The following CALD1 variants were observed in gnomAD, a reference collection of about 807,000 sequenced individuals.
CALD1 encodes the protein caldesmon 1.
A neutral mutation model predicts 99.9 loss-of-function variants in CALD1; 33 were observed. That is an observed-to-expected ratio of 0.33 (90% CI 0.25 to 0.44). The LOEUF (loss-of-function observed/expected upper bound fraction) is 0.44, where lower values mean the gene tolerates loss of function less well. CALD1 is among the 20% of genes least tolerant of loss of function. CALD1 has a pLI of 1.00. For synonymous variants in CALD1, 310 were observed against 325.0 expected (o/e 0.95, Z 0.50); for missense variants, 861 against 962.1 (o/e 0.89, Z 1.39).
At chr7:134,915,095 G>A (rs748155061) in intron 3 of CALD1, among the ~76,000 whole-genome samples, 8 of 152,162 alleles carry the variant, frequency 5.3e-5, no homozygotes, top group East Asian at 1.9e-4. Flanking sequence ...TCCCACAACC[G>A]CAAGTTCAGA....
At chr7:134,899,414 G>A (rs1334838031) in intron 3 of CALD1, among the ~76,000 whole-genome samples, 4 of 152,046 alleles carry the variant, frequency 2.6e-5, no homozygotes, top group South Asian at 2.1e-4. Context: ...TGTTGGCCAC[G>A]CTGGTGTTGA....
intron 3 of CALD1, among the ~76,000 whole-genome samples, chr7:134,912,669 A>T (rs544964205): frequency 7.9e-5 from 12 of 152,344 alleles, no homozygotes; most frequent in Admixed American, 5.2e-4. Context: ...TAACCTATCA[A>T]GACTATCATA....
intron 1 of CALD1, among the ~76,000 whole-genome samples, chr7:134,796,913 G>T (rs1247141605): frequency 1.3e-5 from 2 of 152,126 alleles, no homozygotes; most frequent in African/African-American, 4.8e-5. Context: ...GCAATATTGA[G>T]AATCATCTTG....
At chr7:134,953,189 A>G (rs1807490506) in intron 9 of CALD1, among the ~76,000 whole-genome samples, 1 of 152,142 alleles carries the variant, frequency 6.6e-6, no homozygotes, top group East Asian at 1.9e-4. Flanking sequence ...TGTGAAAACC[A>G]TTCTCAAGGC....
chr7:134,716,608 A>T, the CALD1 span, among the ~76,000 whole-genome samples: 1 of 152,222 alleles, frequency 6.6e-6, no homozygotes. Context: ...GAGTGAAAAC[A>T]ATGTCAGGGA....
rs139992333 is a variant in CALD1 at position 134,815,464 on chromosome 7, G to C, written c.-129-28420G>C. Among the ~76,000 whole-genome samples the C allele has an allele frequency of 2.3e-3, 348 of 152,210 alleles. 2 individuals are homozygous for C. Among genetic ancestry groups the C allele is most frequent in the Non-Finnish European group, 3.3e-3 (226 of 68,000 alleles). ...ATTGTTCTTGGATAAGGAAAACTCT[G>C]CTTGGGGTTTTGGTACATGTCACTC... is the stretch of plus-strand genomic sequence containing the variant. On this transcript the variant is annotated intron_variant, in intron 1 of 14. Transcript: ENST00000361675.
intron 3 of CALD1, 82 bp downstream of exon 3, chr7:134,867,886 G>A (rs1800876224): frequency 2.7e-6 from 2 of 747,494 alleles, no homozygotes. Flanking sequence ...CTTTTGAGAG[G>A]CCAAATGTGG....
At chr7:134,920,841 C>T in intron 3 of CALD1, 2 of 445,976 alleles carry the variant, frequency 4.5e-6, no homozygotes, top group South Asian at 1.9e-5. Flanking sequence ...TAGGAATGTG[C>T]AGAAACAATT....
intron 1 of CALD1, among the ~76,000 whole-genome samples, chr7:134,748,955 G>A (rs1249865209): frequency 1.3e-5 from 2 of 152,182 alleles, no homozygotes; most frequent in African/African-American, 4.8e-5. Flanking sequence ...CTTTCACCAT[G>A]TGAGGACACA....
chr7:134,923,624 C>T (rs894368517), intron 3 of CALD1, among the ~76,000 whole-genome samples: 3 of 152,214 alleles, frequency 2.0e-5, no homozygotes, highest in Non-Finnish European at 4.4e-5. Context: ...ATTTCAAATA[C>T]ATTTAAATCT....
intron 2 of CALD1, among the ~76,000 whole-genome samples, chr7:134,848,372 G>A (rs1023988770): frequency 6.6e-6 from 1 of 152,204 alleles, no homozygotes; most frequent in African/African-American, 2.4e-5. Flanking sequence ...TCACGCCAAT[G>A]TGGTACAAAT....
At chr7:134,918,939 G>A (rs1176766246) in intron 3 of CALD1, among the ~76,000 whole-genome samples, 2 of 152,218 alleles carry the variant, frequency 1.3e-5, no homozygotes, top group East Asian at 1.9e-4. Context: ...GGTCGAGGCT[G>A]CAGTGAGCCA....
chr7:134,963,390 A>G (rs1808423427), intron 13 of CALD1, among the ~76,000 whole-genome samples: 1 of 152,226 alleles, frequency 6.6e-6, no homozygotes, highest in African/African-American at 2.4e-5. Context: ...CAAATCTGAA[A>G]TGCTTCACAG....
intron 1 of CALD1, among the ~76,000 whole-genome samples, chr7:134,793,010 C>T (rs1238568931): frequency 6.6e-6 from 1 of 152,248 alleles, no homozygotes; most frequent in Non-Finnish European, 1.5e-5. Context: ...AGTACAGCTT[C>T]ACATACTGTG....
At chr7:134,963,046 C>A (rs1033383732) in intron 13 of CALD1, 1 of 376,212 alleles carries the variant, frequency 2.7e-6, no homozygotes, top group African/African-American at 2.1e-5. Flanking sequence ...AAAGATTCAT[C>A]GGCAGGATTT....
At chr7:134,748,708 T>TCACCC (rs1796657534) in intron 1 of CALD1, among the ~76,000 whole-genome samples, 1 of 132,274 alleles carries the variant, frequency 7.6e-6, no homozygotes, top group Non-Finnish European at 1.6e-5. Context: ...TGAAACTCCA[T>TCACCC]CCCCCCGCCC....
chr7:134,850,908 GT>G (rs910344178), intron 2 of CALD1, among the ~76,000 whole-genome samples: 10 of 152,090 alleles, frequency 6.6e-5, no homozygotes, highest in Non-Finnish European at 1.2e-4. Flanking sequence ...AGATCTGATG[GT>G]TTTATAAAGG....
the CALD1 span, among the ~76,000 whole-genome samples, chr7:134,727,534 G>A: frequency 2.6e-5 from 4 of 152,230 alleles, no homozygotes; most frequent in Non-Finnish European, 5.9e-5. Flanking sequence ...AGTAGCTTGA[G>A]CAGGAAGAAC....
At chr7:134,784,504 G>A (rs913562395) in intron 1 of CALD1, among the ~76,000 whole-genome samples, 4 of 152,210 alleles carry the variant, frequency 2.6e-5, no homozygotes, top group African/African-American at 9.7e-5. Flanking sequence ...GCTAAGTTGT[G>A]CATGACAGCC....
Sources: gnomAD v4.1 joint callset for allele counts (sites outside exome capture counted in the v4.1 genomes callset) on GRCh38, gnomAD v4.1.1 for gene constraint, MANE v1.5 for transcripts, NCBI Gene and HGNC (gene_info 2026-07-23, HGNC 2026-07-21) for gene names.